The following MBTPS1 variants were observed in gnomAD, a reference collection of about 807,000 sequenced individuals.
MBTPS1 encodes membrane-bound transcription factor site-1 protease.
Under a neutral mutation model 127.8 loss-of-function variants are expected in MBTPS1, and 94 were observed. That is an observed-to-expected ratio of 0.74 (90% CI 0.62 to 0.87). MBTPS1 has a LOEUF of 0.87. Ranked by LOEUF, MBTPS1 falls within the 40% of genes least tolerant of loss-of-function variation. MBTPS1 has a pLI of 0.00. For synonymous variants in MBTPS1, 632 were observed against 509.4 expected (o/e 1.24, Z -3.24); for missense variants, 1,636 against 1,353.2 (o/e 1.21, Z -3.28).
chr16:84,079,122 C>CCGCTCTCTTGCT (rs1471568044), intron 11 of MBTPS1, among the ~76,000 whole-genome samples: 4 of 152,182 alleles, frequency 2.6e-5, no homozygotes, highest in Non-Finnish European at 5.9e-5. Context: ...TGGGACCTCC[C>CCGCTCTCTTGCT]CGCTCTCTTG....
chr16:84,087,495 A>T, intron 8 of MBTPS1, 35 bp from the exon 9 acceptor site: 1 of 1,311,810 alleles, frequency 7.6e-7, no homozygotes, highest in Non-Finnish European at 1.1e-6. Flanking sequence ...AAAAGAAAAG[A>T]AAAAGAAAAA....
At chr16:84,087,589 TG>T in intron 8 of MBTPS1, 129 bp from the exon 9 acceptor site, 1 of 626,938 alleles carries the variant, frequency 1.6e-6, no homozygotes. Flanking sequence ...GCTGCTTCTG[TG>T]GGAAGACGTG....
At chr16:84,060,486 GC>G in intron 20 of MBTPS1, 195 bp downstream of exon 20, 1 of 566,766 alleles carries the variant, frequency 1.8e-6, no homozygotes, top group Non-Finnish European at 3.1e-6. Flanking sequence ...CTCGATCATG[GC>G]CCTCTGGGGA....
Position 84,067,750 on chromosome 16 carries a change from G to A in MBTPS1, c.2145C>T (p.Asp715=), listed in dbSNP as rs200431341. The change falls in exon 16 of 23, where the codon GAC becomes GAT. Residue 715 remains aspartate (D), a synonymous_variant. Coordinates refer to ENST00000343411, the MANE Select transcript of MBTPS1 (RefSeq NM_003791.4). ...EEIAKLRRDV[D]NGLSLVIFSD... ...TGAAGATGACGAGCGAGAGGCCGTTGTCCACGTCCCTCCGGAGCTTGGCGA... is the reference window on the plus strand; with the variant it reads ...TGAAGATGACGAGCGAGAGGCCGTTATCCACGTCCCTCCGGAGCTTGGCGA... 6 of 1,614,030 alleles carry A rather than the reference G, an allele frequency of 3.7e-6. No homozygotes were observed. In the South Asian group the frequency reaches 5.5e-5, roughly 15 times the overall value.
intron 22 of MBTPS1, among the ~76,000 whole-genome samples, 157 bp downstream of exon 22, chr16:84,055,848 G>T (rs924836317): frequency 3.3e-5 from 5 of 152,228 alleles, no homozygotes; most frequent in African/African-American, 1.2e-4. Context: ...TGCTCATGCT[G>T]GTTTGTGCCA....
intron 2 of MBTPS1, 41 bp from the exon 3 acceptor site, chr16:84,099,351 A>T (rs2086223237): frequency 6.3e-7 from 1 of 1,596,698 alleles, no homozygotes; most frequent in Admixed American, 1.7e-5. Context: ...ATTTACGCAC[A>T]TACATTATAA....
intron 10 of MBTPS1, 148 bp from the exon 11 acceptor site, chr16:84,082,056 A>G: frequency 2.1e-6 from 1 of 477,532 alleles, no homozygotes; most frequent in Non-Finnish European, 3.4e-6. Flanking sequence ...CCTGCATGAG[A>G]GAATGAGTGC....
rs765221766 is a variant in MBTPS1 at position 84,095,812 on chromosome 16, G to C, written c.422-7C>G. ...CAGGGTACTGTGGGGTCAGCTACAGGCAAGGGAGAGAAAGATCAGAACAGA... is the reference window on the plus strand; with the variant it reads ...CAGGGTACTGTGGGGTCAGCTACAGCCAAGGGAGAGAAAGATCAGAACAGA... On this transcript the variant is annotated splice_region_variant and splice_polypyrimidine_tract_variant and intron_variant, in intron 3 of 22. Transcript: ENST00000343411. 1 of 1,611,588 alleles carries C rather than the reference G, an allele frequency of 6.2e-7. No homozygotes were observed. Among genetic ancestry groups the C allele is most frequent in the Middle Eastern group, 1.7e-4 (1 of 6,058 alleles).
At chr16:84,070,277 G>A (rs904381878) in intron 13 of MBTPS1, among the ~76,000 whole-genome samples, 1 of 152,152 alleles carries the variant, frequency 6.6e-6, no homozygotes, top group Admixed American at 6.5e-5. Flanking sequence ...AGCCTCATAG[G>A]ATTAACCCTA....
intron 12 of MBTPS1, among the ~76,000 whole-genome samples, 163 bp downstream of exon 12, chr16:84,074,434 T>G (rs2085821264): frequency 6.6e-6 from 1 of 152,190 alleles, no homozygotes; most frequent in African/African-American, 2.4e-5. Context: ...AGGTCTCACT[T>G]TGTTGCTCAG....
rs760766290 is a variant in MBTPS1, at chr16:84,099,237, G to A, written c.237C>T (p.Ser79=). 3.1e-6 allele frequency: 5 copies of A among 1,613,948 alleles called. No homozygotes were observed. In the South Asian group the frequency reaches 5.5e-5, roughly 18 times the overall value. ...TAATTCTCCAATTGTCTACTTCACT[G>A]CTCTTCAGGGCACTTGAAATAAATG... ...RNSFISSALK[S]SEVDNWRIIP... Residue 79 remains serine (S), a synonymous_variant, in exon 3 of 23, where the codon AGC becomes AGT. Transcript: ENST00000343411.
chr16:84,097,546 CAG>C (rs887850480), intron 3 of MBTPS1, among the ~76,000 whole-genome samples: 18 of 152,264 alleles, frequency 1.2e-4, no homozygotes, highest in African/African-American at 4.3e-4. Flanking sequence ...ATCCCATCTC[CAG>C]AGAGTCTAGG....
Position 84,090,805 on chromosome 16 carries a change from A to C in MBTPS1, c.1031+70T>G. On this transcript the variant is annotated intron_variant, in intron 8 of 22. Coordinates refer to ENST00000343411, the MANE Select transcript of MBTPS1 (RefSeq NM_003791.4). ...CAAGTAACCATAGGTAGATACACAA[A>C]CAGATAACAATTTTTCAGTTATTTA... The C allele has an allele frequency of 2.7e-6, 3 of 1,105,858 alleles. No homozygotes were observed. In the East Asian group the frequency reaches 7.1e-5, roughly 26 times the overall value. The allele number at this position is 1,105,858 out of a possible 1,614,324, so 68.5% of individuals were successfully genotyped here. A position where few individuals can be genotyped will look rare whatever the true frequency, so the allele number is the denominator to read the frequency against.
chr16:84,067,637 T>C, intron 16 of MBTPS1, 30 bp downstream of exon 16: 1 of 1,035,732 alleles, frequency 9.7e-7, no homozygotes, highest in Non-Finnish European at 1.4e-6. Context: ...CCAAAAGTCT[T>C]ATCCAAATAC....
chr16:84,071,600 C>T (rs2085770312), intron 12 of MBTPS1, among the ~76,000 whole-genome samples: 1 of 151,988 alleles, frequency 6.6e-6, no homozygotes, highest in Non-Finnish European at 1.5e-5. Context: ...ACAGATGAAA[C>T]AATTAAATAT....
chr16:84,067,662 A>G lies in MBTPS1; in HGVS notation c.2228+5T>C. Reference sequence around the variant, plus strand: ...TATCCAAATACCAATGCGTATCAACAGTACCTTGTGTTTTCATCATAAAAC... The same window carrying G: ...TATCCAAATACCAATGCGTATCAACGGTACCTTGTGTTTTCATCATAAAAC... On this transcript the variant is annotated splice_donor_5th_base_variant and intron_variant, in intron 16 of 22. Transcript: ENST00000343411. 1 of 1,607,344 alleles carries G rather than the reference A, an allele frequency of 6.2e-7. No individual in the cohort carries two copies. Among genetic ancestry groups the G allele is most frequent in the Non-Finnish European group, 8.5e-7 (1 of 1,174,416 alleles).
Position 84,065,625 on chromosome 16 carries a change from G to C in MBTPS1, c.2431+65C>G, listed in dbSNP as rs537792159. 6.9e-4 allele frequency: 703 copies of C among 1,022,396 alleles called. 4 individuals carry two copies. The African/African-American group carries it at 0.01, about 15-fold the overall frequency. The allele number at this position is 1,022,396 out of a possible 1,614,324, so 63.3% of individuals were successfully genotyped here. A position where few individuals can be genotyped will look rare whatever the true frequency, so the allele number is the denominator to read the frequency against. Reference sequence around the variant, plus strand: ...AAGAGACAGAGATGAGAGACAGAGAGAGAAGCGGGGGAAAAGGGAGCGAGA... The same window carrying C: ...AAGAGACAGAGATGAGAGACAGAGACAGAAGCGGGGGAAAAGGGAGCGAGA... On this transcript the variant is annotated intron_variant, in intron 18 of 22. Coordinates refer to ENST00000343411, the MANE Select transcript of MBTPS1 (RefSeq NM_003791.4).
chr16:84,089,621 TACTCTGCAGGCTGCTCTCTACTCC>T (rs2086076187), intron 8 of MBTPS1, among the ~76,000 whole-genome samples: 1 of 152,230 alleles, frequency 6.6e-6, no homozygotes, highest in Non-Finnish European at 1.5e-5. Flanking sequence ...GTCTCATAGG[TACTCTGCAGGCTGCTCTCTACTCC>T]CATCACAGGT....
chr16:84,077,535 G>T (rs1007498194), intron 11 of MBTPS1, among the ~76,000 whole-genome samples: 28 of 152,110 alleles, frequency 1.8e-4, no homozygotes, highest in African/African-American at 6.5e-4. Context: ...CAAATGGGTG[G>T]CCATTTGGCA....
Sources: gnomAD v4.1 joint callset for allele counts (sites outside exome capture counted in the v4.1 genomes callset) on GRCh38, gnomAD v4.1.1 for gene constraint, MANE v1.5 for transcripts, NCBI Gene and HGNC (gene_info 2026-07-23, HGNC 2026-07-21) for gene names.